ACSF2: variants seen among roughly 807,000 people sequenced by gnomAD.
The protein encoded by ACSF2 is medium-chain acyl-CoA ligase ACSF2, mitochondrial.
ACSF2 carries 52 observed loss-of-function variants against 79.3 expected under a neutral mutation model. The ratio of observed to expected loss-of-function variants is 0.66; its 90% CI spans 0.53 to 0.83. ACSF2 has a LOEUF of 0.83. ACSF2 is among the 40% of genes least tolerant of loss of function. The probability of loss-of-function intolerance (pLI) is 0.00; values close to 1 mark genes in which losing one functional copy is unlikely to be tolerated. For missense variants in ACSF2, 661 were observed against 803.3 expected (o/e 0.82, Z 2.14); for synonymous variants, 283 against 312.6 (o/e 0.91, Z 1.00).
At chr17:50,455,394 G>C (rs879753048) in intron 1 of ACSF2, among the ~76,000 whole-genome samples, 1 of 152,134 alleles carries the variant, frequency 6.6e-6, no homozygotes. Context: ...TTATTTTGGA[G>C]AGTGATCCTA....
At chr17:50,427,516 C>G (rs557587565) in intron 1 of ACSF2, among the ~76,000 whole-genome samples, 2 of 152,090 alleles carry the variant, frequency 1.3e-5, no homozygotes, top group Non-Finnish European at 1.5e-5. Flanking sequence ...AAGTCACTCA[C>G]TACTTCCCAG....
intron 1 of ACSF2, among the ~76,000 whole-genome samples, chr17:50,439,231 G>C (rs2030689225): frequency 1.7e-5 from 2 of 118,014 alleles, no homozygotes; most frequent in African/African-American, 6.7e-5. Flanking sequence ...CTACCACACA[G>C]CTTTTTTTTT....
chr17:50,457,840 G>T (rs1212255802), intron 1 of ACSF2, among the ~76,000 whole-genome samples: 1 of 152,136 alleles, frequency 6.6e-6, no homozygotes, highest in African/African-American at 2.4e-5. Context: ...AGTCAAAGGC[G>T]GTTGGGGTGG....
chr17:50,463,990 T>C lies in ACSF2; in HGVS notation c.1138+81T>C. The C allele has an allele frequency of 2.6e-6, 3 of 1,133,082 alleles. No individual in the cohort carries two copies. The highest frequency in any genetic ancestry group is 3.6e-6 in the Non-Finnish European group (3 of 835,816). 70.2% of individuals were successfully genotyped at this position (1,133,082 alleles called of 1,614,324 possible). On this transcript the variant is annotated intron_variant, in intron 9 of 15. Coordinates refer to ENST00000300441, the MANE Select transcript of ACSF2 (RefSeq NM_025149.6). The surrounding 1 kb of genome is among the most constrained non-coding windows in gnomAD (Gnocchi z 4.6). ...AATGGCCCGGGTGAGTTAGCTATGC[T>C]CCCAGTCTTTTATATAGGGGGCAAG...
chr17:50,467,567 C>T (rs1301716019), intron 10 of ACSF2, among the ~76,000 whole-genome samples: 3 of 152,196 alleles, frequency 2.0e-5, no homozygotes, highest in Non-Finnish European at 4.4e-5. Flanking sequence ...CCTTAGCACA[C>T]ATGCACAGCC....
chr17:50,462,047 G>A, intron 4 of ACSF2, 137 bp from the exon 5 acceptor site: 1 of 710,904 alleles, frequency 1.4e-6, no homozygotes, highest in Non-Finnish European at 2.4e-6. Context: ...TTGGAGTGTG[G>A]TGCCTGTGAG....
intron 10 of ACSF2, chr17:50,468,574 C>T: frequency 6.2e-7 from 1 of 1,614,222 alleles, no homozygotes; most frequent in Non-Finnish European, 8.5e-7. Context: ...GCTGCAGGTG[C>T]AATGACACGA....
intron 10 of ACSF2, chr17:50,468,482 A>T: frequency 6.2e-7 from 1 of 1,614,246 alleles, no homozygotes; most frequent in Non-Finnish European, 8.5e-7. Context: ...CAGCACGCGG[A>T]TGTCGTTATG....
chr17:50,453,391 A>G (rs1166181497), intron 1 of ACSF2, among the ~76,000 whole-genome samples: 2 of 152,030 alleles, frequency 1.3e-5, no homozygotes, highest in African/African-American at 4.8e-5. Flanking sequence ...TATTTTTAGT[A>G]GAGACGGGGT....
At chr17:50,459,640 G>A (rs1434854600) in intron 1 of ACSF2, among the ~76,000 whole-genome samples, 1 of 152,136 alleles carries the variant, frequency 6.6e-6, no homozygotes, top group Non-Finnish European at 1.5e-5. Context: ...CTTACTTAGG[G>A]GTTGTCTCTT....
chr17:50,453,586 A>G (rs2031807029), intron 1 of ACSF2, among the ~76,000 whole-genome samples: 1 of 152,238 alleles, frequency 6.6e-6, no homozygotes, highest in African/African-American at 2.4e-5. Context: ...AGATGGGGGC[A>G]AGGGAATGGT....
chr17:50,468,680 T>C, intron 10 of ACSF2: 1 of 1,613,986 alleles, frequency 6.2e-7, no homozygotes, highest in Non-Finnish European at 8.5e-7. Context: ...CTTGGGGATC[T>C]TCTGCAGCCC....
chr17:50,469,010 C>A (rs1364553923), intron 10 of ACSF2: 5 of 1,354,410 alleles, frequency 3.7e-6, no homozygotes, highest in Non-Finnish European at 4.7e-6. Flanking sequence ...CCCCCGCCCT[C>A]CACGGGGAAG....
At chr17:50,456,302 A>G (rs1489202383) in intron 1 of ACSF2, among the ~76,000 whole-genome samples, 1 of 152,102 alleles carries the variant, frequency 6.6e-6, no homozygotes, top group African/African-American at 2.4e-5. Flanking sequence ...GTTTCTACTC[A>G]GGGCCAGTGA....
Position 50,460,819 on chromosome 17 carries a change from T to C in ACSF2, c.271T>C (p.Leu91=). 1 of 1,612,242 alleles carries C rather than the reference T, an allele frequency of 6.2e-7. No homozygotes were observed. The highest frequency in any genetic ancestry group is 1.3e-5 in the African/African-American group (1 of 75,010). The part of the protein sequence containing the change: ...TAQRVPEREA[L]VVLHEDVRLT... ...ACAGAGGGTCCCAGAACGAGAGGCC[T>C]TGGTCGTCCTCCATGAAGACGTCAG... The change falls in exon 2 of 16, where the codon TTG becomes CTG. Residue 91 remains leucine, a synonymous_variant. Coordinates refer to ENST00000300441, the MANE Select transcript of ACSF2 (RefSeq NM_025149.6).
At chr17:50,470,982 C>G in intron 10 of ACSF2, 46 bp from the exon 11 acceptor site, 1 of 1,408,954 alleles carries the variant, frequency 7.1e-7, no homozygotes, top group Non-Finnish European at 1.0e-6. Flanking sequence ...CCTGATCCCT[C>G]TGCACGTGCT....
At chr17:50,460,632 G>A (rs529216314) in intron 1 of ACSF2, 45 bp from the exon 2 acceptor site, 13 of 1,562,678 alleles carry the variant, frequency 8.3e-6, no homozygotes, top group South Asian at 3.5e-5. Flanking sequence ...TGGTTCCAGG[G>A]AGACTGATCT....
Position 50,461,693 on chromosome 17 carries a change from C to T in ACSF2, c.507+7C>T. On this transcript the variant is annotated splice_region_variant and intron_variant, in intron 4 of 15. Transcript: ENST00000300441. ...GGAGTATGTCCTCAAGAAGGTACAG[C>T]TCATTTGTCGGGGAGGGGCCCGGCT... 1.2e-6 allele frequency: 2 copies of T among 1,614,018 alleles called. No homozygotes were observed. Among genetic ancestry groups the T allele is most frequent in the Non-Finnish European group, 1.7e-6 (2 of 1,179,972 alleles).
At chr17:50,444,171 A>T (rs2031135575) in intron 1 of ACSF2, among the ~76,000 whole-genome samples, 2 of 152,172 alleles carry the variant, frequency 1.3e-5, no homozygotes, top group Non-Finnish European at 2.9e-5. Flanking sequence ...GAATTATTTT[A>T]TATCTATATA....
Sources: gnomAD v4.1 joint callset for allele counts (sites outside exome capture counted in the v4.1 genomes callset) on GRCh38, gnomAD v4.1.1 for gene constraint, Gnocchi (gnomAD v3.1) non-coding constraint, MANE v1.5 for transcripts, NCBI Gene and HGNC (gene_info 2026-07-23, HGNC 2026-07-21) for gene names.